ABLIM1: variants seen among roughly 807,000 people sequenced by gnomAD.
ABLIM1 encodes the protein actin binding LIM protein 1.
A neutral mutation model predicts 107.0 loss-of-function variants in ABLIM1; 40 were observed. That is an observed-to-expected ratio of 0.37 (90% CI 0.29 to 0.49). The LOEUF (loss-of-function observed/expected upper bound fraction) is 0.49. Among genes scored for constraint, ABLIM1 ranks in the 20% least tolerant of loss-of-function variants. The probability of loss-of-function intolerance (pLI) is 0.97; values close to 1 mark genes in which losing one functional copy is unlikely to be tolerated. For missense variants in ABLIM1, 857 were observed against 1,008.5 expected, an observed-to-expected ratio of 0.85 and a Z score of 2.04; for synonymous variants, 357 against 357.3, an observed-to-expected ratio of 1.00 and a Z score of 0.01.
chr10:114,609,550 A>G (rs1028311834), intron 1 of ABLIM1, among the ~76,000 whole-genome samples: 1 of 152,224 alleles, frequency 6.6e-6, no homozygotes, highest in African/African-American at 2.4e-5. Flanking sequence ...CAAAACTGCA[A>G]GCTCAATGGT....
At chr10:114,524,992 G>A (rs1380736417) in intron 6 of ABLIM1, among the ~76,000 whole-genome samples, 1 of 152,234 alleles carries the variant, frequency 6.6e-6, no homozygotes, top group Admixed American at 6.5e-5. Context: ...CCCCCTCGTT[G>A]GCAGCAGTAG....
chr10:114,753,251 A>G (rs548853864), intron 1 of ABLIM1, among the ~76,000 whole-genome samples: 5 of 152,334 alleles, frequency 3.3e-5, no homozygotes, highest in Admixed American at 1.3e-4. Flanking sequence ...AGGAGATGGT[A>G]CACGAAGAGA....
intron 7 of ABLIM1, among the ~76,000 whole-genome samples, chr10:114,490,457 T>C (rs1043992757): frequency 5.9e-5 from 9 of 152,156 alleles, no homozygotes; most frequent in Non-Finnish European, 1.0e-4. Flanking sequence ...GAGAGCAAAG[T>C]GAACAACTCA....
Position 114,636,549 on chromosome 10 carries a change from T to C in ABLIM1, c.244+21408A>G, listed in dbSNP as rs114682648. Among the ~76,000 whole-genome samples, 392 of 152,296 alleles carry C rather than the reference T, an allele frequency of 2.6e-3. 2 individuals carry two copies. Among genetic ancestry groups the C allele is most frequent in the African/African-American group, 9.0e-3 (376 of 41,556 alleles). ...GGAATGGATGCATAGGAAGTGTCTATCCATTTATTTAAACATTTCCCAGGT... is the reference window on the plus strand; with the variant it reads ...GGAATGGATGCATAGGAAGTGTCTACCCATTTATTTAAACATTTCCCAGGT... On this transcript the variant is annotated intron_variant, in intron 1 of 22. Transcript: ENST00000533213.
At chr10:114,580,606 G>T (rs1250002030) in intron 2 of ABLIM1, among the ~76,000 whole-genome samples, 1 of 152,156 alleles carries the variant, frequency 6.6e-6, no homozygotes, top group Non-Finnish European at 1.5e-5. Flanking sequence ...GCTCATTCCA[G>T]ATTTGTATAA....
chr10:114,679,492 G>A (rs1393698322), intron 1 of ABLIM1, among the ~76,000 whole-genome samples: 13 of 151,854 alleles, frequency 8.6e-5, no homozygotes, highest in African/African-American at 2.2e-4. Flanking sequence ...AAAATTAGCC[G>A]GGCGTGGTGG....
rs780610190 is a variant in ABLIM1 at position 114,444,105 on chromosome 10, C to T, written c.1857G>A (p.Leu619=). ...GGCTCTCTTTCTCCATCTCTTCTTT[C>T]AAGATCAACTGTCCCAGGCCTGAGT... The part of the protein sequence containing the change: ...KLNSGLGQLI[L]KEEMEKESRE... Residue 619 remains leucine, a synonymous_variant, in exon 17 of 23, where the codon TTG becomes TTA. Transcript: ENST00000533213. The T allele has an allele frequency of 3.1e-6, 5 of 1,605,446 alleles. No individual in the cohort carries two copies. Among genetic ancestry groups the T allele is most frequent in the East Asian group, 2.2e-5 (1 of 44,514 alleles).
intron 1 of ABLIM1, among the ~76,000 whole-genome samples, chr10:114,696,660 TTC>T (rs1312930091): frequency 9.2e-5 from 14 of 152,208 alleles, no homozygotes; most frequent in Non-Finnish European, 1.2e-4. Context: ...TTGGCTCTCA[TTC>T]TCTCTTGCCT....
At chr10:114,586,839 C>T (rs1460861327) in intron 2 of ABLIM1, among the ~76,000 whole-genome samples, 1 of 152,192 alleles carries the variant, frequency 6.6e-6, no homozygotes, top group African/African-American at 2.4e-5. Context: ...AGTCCAAACT[C>T]ATCATTTTAA....
At chr10:114,670,400 A>G (rs1212208070) in intron 1 of ABLIM1, among the ~76,000 whole-genome samples, 2 of 152,240 alleles carry the variant, frequency 1.3e-5, no homozygotes, top group Non-Finnish European at 2.9e-5. Flanking sequence ...AGATACATAT[A>G]TTAGAGAAAA....
chr10:114,488,789 T>C (rs2058533317), intron 7 of ABLIM1, among the ~76,000 whole-genome samples: 1 of 152,228 alleles, frequency 6.6e-6, no homozygotes, highest in Non-Finnish European at 1.5e-5. Flanking sequence ...TGCCTGCTCA[T>C]ATGATTTTGT....
At chr10:114,748,687 T>G (rs2082440882) in intron 1 of ABLIM1, among the ~76,000 whole-genome samples, 1 of 151,402 alleles carries the variant, frequency 6.6e-6, no homozygotes, top group South Asian at 2.1e-4. Context: ...GATGAGGTCT[T>G]TCTTTATCAC....
At chr10:114,677,801 C>T (rs924440217) in intron 1 of ABLIM1, among the ~76,000 whole-genome samples, 1 of 152,130 alleles carries the variant, frequency 6.6e-6, no homozygotes, top group African/African-American at 2.4e-5. Context: ...AAGAAATCAT[C>T]TAACTACAGG....
chr10:114,671,895 C>T (rs1202973404), intron 1 of ABLIM1, among the ~76,000 whole-genome samples: 1 of 152,088 alleles, frequency 6.6e-6, no homozygotes, highest in Non-Finnish European at 1.5e-5. Context: ...CAGGTTCTCT[C>T]TCTGCCACTC....
At chr10:114,557,071 G>A (rs1258467080) in intron 4 of ABLIM1, among the ~76,000 whole-genome samples, 2 of 152,230 alleles carry the variant, frequency 1.3e-5, no homozygotes, top group Non-Finnish European at 2.9e-5. Context: ...AAACATTCAT[G>A]TGGGTGCAAA....
At chr10:114,582,126 C>T (rs2139230498) in intron 2 of ABLIM1, among the ~76,000 whole-genome samples, 1 of 152,250 alleles carries the variant, frequency 6.6e-6, no homozygotes, top group South Asian at 2.1e-4. Context: ...CCTAAAGACT[C>T]CACCAAAAGG....
intron 6 of ABLIM1, among the ~76,000 whole-genome samples, chr10:114,512,877 AAGGAAGG>A (rs2062114813): frequency 6.7e-6 from 1 of 149,924 alleles, no homozygotes; most frequent in African/African-American, 2.5e-5. Context: ...GGAAGGAAGG[AAGGAAGG>A]AAGGAAGGAA....
chr10:114,709,222 T>A (rs538364105), intron 1 of ABLIM1, among the ~76,000 whole-genome samples: 17 of 152,294 alleles, frequency 1.1e-4, no homozygotes, highest in Non-Finnish European at 2.2e-4. Flanking sequence ...AGGAATGTGT[T>A]CCTTAGCACC....
the ABLIM1 span, chr10:114,778,435 A>G: frequency 6.6e-6 from 1 of 152,054 alleles, no homozygotes; most frequent in Non-Finnish European, 1.5e-5. Context: ...TTCCATCGCG[A>G]TCTTGCTTTG....
Sources: gnomAD v4.1 joint callset for allele counts (sites outside exome capture counted in the v4.1 genomes callset) on GRCh38, gnomAD v4.1.1 for gene constraint, MANE v1.5 for transcripts, NCBI Gene and HGNC (gene_info 2026-07-23, HGNC 2026-07-21) for gene names.